The following HSD17B4 variants were observed in gnomAD, a reference collection of about 807,000 sequenced individuals.
HSD17B4 encodes hydroxysteroid 17-beta dehydrogenase 4, also known as peroxisomal multifunctional enzyme type 2.
A neutral mutation model predicts 101.0 loss-of-function variants in HSD17B4; 70 were observed. The observed-to-expected ratio is 0.69, with a 90% CI of 0.57 to 0.85. The LOEUF is 0.85. Among genes scored for constraint, HSD17B4 ranks in the 40% least tolerant of loss-of-function variants. The probability of loss-of-function intolerance (pLI) is 0.00; values close to 1 mark genes in which losing one functional copy is unlikely to be tolerated. For synonymous variants in HSD17B4, 347 were observed against 297.1 expected (o/e 1.17, Z -1.73); for missense variants, 984 against 892.4 (o/e 1.10, Z -1.31).
chr5:119,510,962 A>T (rs1277001763), intron 16 of HSD17B4, among the ~76,000 whole-genome samples: 1 of 152,168 alleles, frequency 6.6e-6, no homozygotes, highest in Non-Finnish European at 1.5e-5. Context: ...TACAGAGTGG[A>T]GACTTTACCC....
At chr5:119,456,189 G>A (rs1489948942) in intron 1 of HSD17B4, 126 bp from the exon 2 acceptor site, 2 of 729,756 alleles carry the variant, frequency 2.7e-6, no homozygotes, top group Non-Finnish European at 5.1e-6. Flanking sequence ...TGATAGGATA[G>A]GTTGAGAGTA....
intron 2 of HSD17B4, among the ~76,000 whole-genome samples, chr5:119,459,661 G>A (rs1755016920): frequency 6.6e-6 from 1 of 152,128 alleles, no homozygotes; most frequent in Non-Finnish European, 1.5e-5. Context: ...TGGGGACTCT[G>A]TAGAGTCCCG....
chr5:119,512,999 T>C lies in HSD17B4; in HGVS notation c.1438-1982T>C, dbSNP rs77569202. ...TATGTGTATTGTGTCAGTAAAGCTG[T>C]TTGAAAAATTAGTATTGATCAATAC... On this transcript the variant is annotated intron_variant, in intron 16 of 23. Transcript: ENST00000510025. Among the ~76,000 whole-genome samples the C allele has an allele frequency of 6.7e-3, 1,013 of 152,324 alleles. 52 individuals are homozygous for C. The East Asian group carries it at 0.13, about 20-fold the overall frequency.
In HSD17B4 at chr5:119,509,250, C is replaced by G; in HGVS notation, c.1437+6C>G. On this transcript the variant is annotated splice_donor_region_variant and intron_variant, in intron 16 of 23. Coordinates refer to ENST00000510025, the MANE Select transcript of HSD17B4 (RefSeq NM_000414.4). ...GGACATCAGACAAAGTCAAGGTAAG[C>G]CATGACTTTGTAAGCAAAATATATG... 1.3e-6 allele frequency: 2 copies of G among 1,536,626 alleles called. No individual in the cohort carries two copies. Among genetic ancestry groups the G allele is most frequent in the Non-Finnish European group, 1.8e-6 (2 of 1,109,386 alleles).
At chr5:119,526,548 A>T (rs929009434) in intron 19 of HSD17B4, among the ~76,000 whole-genome samples, 1 of 151,960 alleles carries the variant, frequency 6.6e-6, no homozygotes, top group African/African-American at 2.4e-5. Flanking sequence ...ATGTACACTT[A>T]AAAAAGTTTA....
At chr5:119,498,225 C>G (rs1214739906) in intron 12 of HSD17B4, among the ~76,000 whole-genome samples, 1 of 152,102 alleles carries the variant, frequency 6.6e-6, no homozygotes, top group Non-Finnish European at 1.5e-5. Context: ...AATTTTAAGC[C>G]TGAGAATGTG....
Position 119,541,897 on chromosome 5 carries a change from C to T in HSD17B4, c.2122-8C>T, listed in dbSNP as rs780917329. The T allele has an allele frequency of 6.3e-7, 1 of 1,583,806 alleles. No homozygotes were observed. On this transcript the variant is annotated splice_polypyrimidine_tract_variant and splice_region_variant and intron_variant, in intron 23 of 23. Transcript: ENST00000510025. Reference sequence around the variant, plus strand: ...AGTTGGCACTCTTTTTCCCTCCTCTCCTTGCAGGCATTCTTTAGTGGCAGG... The same window carrying T: ...AGTTGGCACTCTTTTTCCCTCCTCTTCTTGCAGGCATTCTTTAGTGGCAGG...
At chr5:119,536,300 G>GT in intron 22 of HSD17B4, 123 bp from the exon 23 acceptor site, 1 of 866,080 alleles carries the variant, frequency 1.2e-6, no homozygotes, top group Middle Eastern at 2.2e-4. Flanking sequence ...GATAGAATAT[G>GT]TGTAGAATAA....
intron 14 of HSD17B4, among the ~76,000 whole-genome samples, chr5:119,504,353 C>T: frequency 6.6e-6 from 1 of 152,146 alleles, no homozygotes; most frequent in East Asian, 1.9e-4. Context: ...TGAGAAATCT[C>T]CAGACTGCTT....
chr5:119,512,504 C>G (rs1752265177), intron 16 of HSD17B4, among the ~76,000 whole-genome samples: 1 of 151,700 alleles, frequency 6.6e-6, no homozygotes. Flanking sequence ...CCTCTGACTT[C>G]TCATCAGAAA....
Position 119,496,638 on chromosome 5 carries a change from T to C in HSD17B4, c.964T>C (p.Ser322Pro). ...TAGTCGTGCAACGTCTACAGCAACA[T>C]CAGGATTTGTAAGTGGGAAAAAAGC... ...HTSRATSTAT[S>P]GFAGAIGQKL... Residue 322 changes from serine to proline, a missense_variant, in exon 12 of 24, where the codon TCA becomes CCA. Physicochemically the swap from Ser to Pro is moderately conservative, Grantham distance 74 (BLOSUM62 -1). Coordinates refer to ENST00000510025, the MANE Select transcript of HSD17B4 (RefSeq NM_000414.4). 1.3e-6 allele frequency: 2 copies of C among 1,578,892 alleles called. No homozygotes were observed. The highest frequency in any genetic ancestry group is 1.7e-6 in the Non-Finnish European group (2 of 1,147,888).
At chr5:119,489,798 CATTA>C (rs1749934103) in intron 9 of HSD17B4, among the ~76,000 whole-genome samples, 1 of 152,034 alleles carries the variant, frequency 6.6e-6, no homozygotes, top group African/African-American at 2.4e-5. Flanking sequence ...ATAAATATAA[CATTA>C]TTTATTTTTA....
At position 119,494,325 on chromosome 5, in the gene HSD17B4, TTTTCTTTCTTTCTTTCTTTC is replaced by T. The variant is rs66578057; in HGVS notation, c.868+425_868+444del. Among the ~76,000 whole-genome samples the T allele has an allele frequency of 1.2e-3, 129 of 111,614 alleles. 1 individual carries two copies. In the Middle Eastern group the frequency reaches 0.022, roughly 19 times the overall value. The allele number at this position is 111,614 out of a possible 152,430, so 73.2% of individuals were successfully genotyped here. On this transcript the variant is annotated intron_variant, in intron 11 of 23. Transcript: ENST00000510025. ...TTCTCTTTCTTCCTTTCTTTCTTTC[TTTTCTTTCTTTCTTTCTTTC>T]TTTCTTTCTTTCTTTCTTTCTTTCT... is the stretch of plus-strand genomic sequence containing the variant.
intron 15 of HSD17B4, among the ~76,000 whole-genome samples, chr5:119,507,300 C>G (rs745579868): frequency 1.3e-5 from 2 of 152,102 alleles, no homozygotes; most frequent in Non-Finnish European, 2.9e-5. Context: ...TATTTGAACA[C>G]TAAATTATTC....
chr5:119,501,719 G>A (rs937804544), intron 13 of HSD17B4, among the ~76,000 whole-genome samples: 11 of 152,138 alleles, frequency 7.2e-5, no homozygotes, highest in African/African-American at 2.6e-4. Flanking sequence ...TATGTTCCAG[G>A]CACTGTTATA....
intron 18 of HSD17B4, 80 bp from the exon 19 acceptor site, chr5:119,525,837 T>C (rs1753543546): frequency 2.4e-6 from 2 of 833,996 alleles, no homozygotes; most frequent in South Asian, 2.7e-5. Context: ...AAGGACATTT[T>C]TAAAGTCCTG....
At chr5:119,533,287 GC>G (rs1554069198) in intron 22 of HSD17B4, among the ~76,000 whole-genome samples, 44 of 29,764 alleles carry the variant, frequency 1.5e-3, no homozygotes, top group Non-Finnish European at 2.3e-3. Flanking sequence ...TTGACAGGAT[GC>G]CTTTTTTTTT....
chr5:119,505,001 T>A (rs187540376), intron 14 of HSD17B4, among the ~76,000 whole-genome samples: 12 of 152,306 alleles, frequency 7.9e-5, no homozygotes, highest in African/African-American at 2.9e-4. Flanking sequence ...GTTTATTGAA[T>A]AGGGAGTCCT....
intron 9 of HSD17B4, among the ~76,000 whole-genome samples, chr5:119,489,569 G>A (rs1001915638): frequency 1.3e-4 from 20 of 152,218 alleles, no homozygotes; most frequent in African/African-American, 4.8e-4. Context: ...ATGATAAGGT[G>A]GAAAGATGAA....
Sources: allele counts gnomAD v4.1 joint callset (sites outside exome capture counted in the v4.1 genomes callset), GRCh38; gene constraint gnomAD v4.1.1; transcripts MANE v1.5; gene names NCBI Gene and HGNC (gene_info 2026-07-23, HGNC 2026-07-21).